The following NOVA1 variants were observed in gnomAD, a reference collection of about 807,000 sequenced individuals.
NOVA1 encodes the protein RNA-binding protein Nova-1.
Under a neutral mutation model 38.0 loss-of-function variants are expected in NOVA1, and 7 were observed. That is an observed-to-expected ratio of 0.18 (90% confidence interval 0.10 to 0.35). NOVA1 has a LOEUF of 0.35. NOVA1 is among the 10% of genes least tolerant of loss of function. The pLI is 1.00. For synonymous variants in NOVA1, 270 were observed against 232.5 expected, an observed-to-expected ratio of 1.16 and a Z score of -1.47; for missense variants, 460 against 616.0, an observed-to-expected ratio of 0.75 and a Z score of 2.68.
At chr14:26,469,671 C>G (rs1396532891) in intron 4 of NOVA1, among the ~76,000 whole-genome samples, 2 of 152,150 alleles carry the variant, frequency 1.3e-5, no homozygotes, top group African/African-American at 4.8e-5. Flanking sequence ...CTCACTGCAG[C>G]CTCGAACTCC....
intron 2 of NOVA1, among the ~76,000 whole-genome samples, chr14:26,519,016 T>A (rs1452719988): frequency 6.6e-6 from 1 of 152,086 alleles, no homozygotes; most frequent in African/African-American, 2.4e-5. Context: ...ACTGAAATAA[T>A]CTTTATCAAA....
chr14:26,449,971 A>G (rs1882504801), intron 4 of NOVA1, among the ~76,000 whole-genome samples: 1 of 152,282 alleles, frequency 6.6e-6, no homozygotes, highest in Non-Finnish European at 1.5e-5. Context: ...TATCATCCCT[A>G]AAATTAAAAT....
At chr14:26,569,429 C>A (rs915192565) in intron 2 of NOVA1, among the ~76,000 whole-genome samples, 4 of 152,138 alleles carry the variant, frequency 2.6e-5, no homozygotes, top group Non-Finnish European at 5.9e-5. Flanking sequence ...ATTTAAAAAT[C>A]TGATTTACAA....
intron 2 of NOVA1, among the ~76,000 whole-genome samples, chr14:26,492,765 A>G (rs962695210): frequency 6.6e-6 from 1 of 151,056 alleles, no homozygotes; most frequent in Non-Finnish European, 1.5e-5. Context: ...TCAGGAGTTC[A>G]AGACCAGCCT....
intron 2 of NOVA1, among the ~76,000 whole-genome samples, chr14:26,582,936 T>A (rs1056212872): frequency 6.6e-6 from 1 of 151,810 alleles, no homozygotes; most frequent in Non-Finnish European, 1.5e-5. Flanking sequence ...GTGCCACATA[T>A]GGCATATCTA....
intron 2 of NOVA1, among the ~76,000 whole-genome samples, chr14:26,556,911 A>G (rs1327818693): frequency 1.3e-5 from 2 of 152,230 alleles, no homozygotes; most frequent in African/African-American, 4.8e-5. Flanking sequence ...ATAACAAAGT[A>G]CTACAAACTG....
intron 2 of NOVA1, among the ~76,000 whole-genome samples, chr14:26,541,027 T>C (rs1361265898): frequency 6.6e-6 from 1 of 151,728 alleles, no homozygotes; most frequent in African/African-American, 2.4e-5. Flanking sequence ...ATATTTAGGA[T>C]CCAGAAAAAA....
chr14:26,585,004 A>G (rs896268828), intron 2 of NOVA1, among the ~76,000 whole-genome samples: 2 of 151,438 alleles, frequency 1.3e-5, no homozygotes, highest in Non-Finnish European at 3.0e-5. Context: ...ACACTATGAT[A>G]TGGTTATTTT....
intron 2 of NOVA1, among the ~76,000 whole-genome samples, chr14:26,536,625 A>G (rs1038049743): frequency 1.3e-5 from 2 of 152,134 alleles, no homozygotes; most frequent in Non-Finnish European, 2.9e-5. Context: ...AATTCTATAT[A>G]AATTAGAGGC....
intron 2 of NOVA1, chr14:26,592,661 GT>G (rs1004644733): frequency 6.6e-6 from 1 of 151,436 alleles, no homozygotes; most frequent in African/African-American, 2.4e-5. Context: ...GTACAAAAAT[GT>G]TTTTTCATTT....
chr14:26,464,660 G>C (rs1883970568), intron 4 of NOVA1, among the ~76,000 whole-genome samples: 2 of 152,046 alleles, frequency 1.3e-5, no homozygotes, highest in Admixed American at 6.6e-5. Context: ...TTAGCTGATT[G>C]ATGGTAATTA....
At chr14:26,596,667 G>A (rs1295607162) in intron 1 of NOVA1, 3 of 1,288,934 alleles carry the variant, frequency 2.3e-6, no homozygotes, top group East Asian at 1.1e-4. Flanking sequence ...CCAAGGAAGC[G>A]CAGGATGTTA....
At chr14:26,571,547 GT>G (rs1383115586) in intron 2 of NOVA1, among the ~76,000 whole-genome samples, 1 of 152,150 alleles carries the variant, frequency 6.6e-6, no homozygotes, top group African/African-American at 2.4e-5. Context: ...TAAAAAAGAT[GT>G]CCACAAGAGC....
At chr14:26,520,127 C>T (rs960597096) in intron 2 of NOVA1, among the ~76,000 whole-genome samples, 3 of 152,208 alleles carry the variant, frequency 2.0e-5, no homozygotes, top group African/African-American at 7.2e-5. Flanking sequence ...TCATGGCCAA[C>T]GGCCTTGTAA....
At chr14:26,546,080 T>G (rs916919611) in intron 2 of NOVA1, among the ~76,000 whole-genome samples, 1 of 152,096 alleles carries the variant, frequency 6.6e-6, no homozygotes, top group Non-Finnish European at 1.5e-5. Flanking sequence ...ATATGAGTAT[T>G]ATATCTCCAT....
intron 3 of NOVA1, among the ~76,000 whole-genome samples, chr14:26,476,746 C>T (rs1465257737): frequency 3.5e-5 from 5 of 142,832 alleles, no homozygotes; most frequent in Admixed American, 7.2e-5. Flanking sequence ...GACAGAGCTT[C>T]GCTCTTGTTG....
At chr14:26,536,529 T>G (rs183818176) in intron 2 of NOVA1, among the ~76,000 whole-genome samples, 1 of 151,036 alleles carries the variant, frequency 6.6e-6, no homozygotes, top group Non-Finnish European at 1.5e-5. Context: ...TTAAAAAAAA[T>G]TTAAAAAGAT....
At chr14:26,523,712 CTTT>C (rs944888941) in intron 2 of NOVA1, among the ~76,000 whole-genome samples, 3 of 120,158 alleles carry the variant, frequency 2.5e-5, no homozygotes, top group Non-Finnish European at 3.6e-5. Context: ...ATATATCATT[CTTT>C]TTTTTTTCTT....
intron 1 of NOVA1, 98 bp downstream of exon 1, chr14:26,597,203 G>A (rs1434647366): frequency 4.8e-6 from 5 of 1,040,918 alleles, no homozygotes; most frequent in South Asian, 4.9e-5. Context: ...CGGGCCGCGG[G>A]AGGGAGGGAG....
Sources: gnomAD v4.1 joint callset for allele counts (sites outside exome capture counted in the v4.1 genomes callset) on GRCh38, gnomAD v4.1.1 for gene constraint, MANE v1.5 for transcripts, NCBI Gene and HGNC (gene_info 2026-07-23, HGNC 2026-07-21) for gene names.